CELF2: variants seen among roughly 807,000 people sequenced by gnomAD.
The protein encoded by CELF2 is CUGBP Elav-like family member 2, also known as CUG triplet repeat RNA-binding protein 2.
CELF2 carries 8 observed loss-of-function variants against 62.6 expected under a neutral mutation model. That is an observed-to-expected ratio of 0.13 (90% CI 0.07 to 0.23). The LOEUF (loss-of-function observed/expected upper bound fraction) is 0.23, where lower values mean the gene tolerates loss of function less well. Ranked by LOEUF, CELF2 falls within the 10% of genes least tolerant of loss-of-function variation. CELF2 has a pLI of 1.00. For synonymous variants in CELF2, 258 were observed against 250.0 expected (o/e 1.03, Z -0.30); for missense variants, 333 against 671.0 (o/e 0.50, Z 5.56).
chr10:10,755,528 T>A, the CELF2 span, among the ~76,000 whole-genome samples: 4 of 152,194 alleles, frequency 2.6e-5, no homozygotes, highest in African/African-American at 9.7e-5. Context: ...CGTCTGCTGC[T>A]TCCTCCTCAG....
rs57731906 is a variant in CELF2 at position 11,199,184 on chromosome 10, A to T, written c.272-18241A>T. The stretch of plus-strand genomic sequence containing the variant: ...CCCAAGACCATGATCTCTGGGACCA[A>T]CATCTTTAATTGGAGACTTGTTAGA... On this transcript the variant is annotated intron_variant, in intron 2 of 12. Transcript: ENST00000633077. Among the ~76,000 whole-genome samples, 433 of 152,352 alleles carry T rather than the reference A, an allele frequency of 2.8e-3. 5 individuals carry two copies. The East Asian group carries it at 0.059, about 21-fold the overall frequency.
chr10:10,793,316 A>C, the CELF2 span, among the ~76,000 whole-genome samples: 1 of 152,220 alleles, frequency 6.6e-6, no homozygotes, highest in Admixed American at 6.5e-5. Context: ...AGAAAGAAAA[A>C]AGCCATCTTT....
the CELF2 span, among the ~76,000 whole-genome samples, chr10:10,588,398 G>A: frequency 1.2e-4 from 19 of 152,166 alleles, no homozygotes; most frequent in African/African-American, 4.6e-4. Context: ...TTACTCCTCT[G>A]GGCCTCAGAT....
chr10:10,502,007 A>T, the CELF2 span, among the ~76,000 whole-genome samples: 1 of 152,112 alleles, frequency 6.6e-6, no homozygotes, highest in Admixed American at 6.5e-5. Flanking sequence ...TTCTGTATCA[A>T]CTGGTGTTAT....
the CELF2 span, among the ~76,000 whole-genome samples, chr10:10,773,191 C>T: frequency 1.3e-5 from 2 of 152,092 alleles, no homozygotes; most frequent in Admixed American, 1.3e-4. Flanking sequence ...AAAAATAACC[C>T]CCCACCTTTT....
the CELF2 span, among the ~76,000 whole-genome samples, chr10:10,701,724 G>C: frequency 4.5e-4 from 69 of 152,340 alleles, no homozygotes; most frequent in Non-Finnish European, 8.8e-4. Flanking sequence ...TAGGCGAGAT[G>C]GGTAACCAAG....
At chr10:10,981,931 T>G (rs2052168616) in intron 2 of CELF2, among the ~76,000 whole-genome samples, 1 of 149,198 alleles carries the variant, frequency 6.7e-6, no homozygotes, top group South Asian at 2.1e-4. Flanking sequence ...TGGTAGACCC[T>G]CTCCTCGACT....
chr10:10,946,502 T>C (rs555032170), intron 2 of CELF2: 2 of 152,776 alleles, frequency 1.3e-5, no homozygotes, highest in East Asian at 1.9e-4. Context: ...CTGTATATGA[T>C]AAAACTTACC....
At chr10:10,507,228 G>A in the CELF2 span, among the ~76,000 whole-genome samples, 2 of 151,934 alleles carry the variant, frequency 1.3e-5, no homozygotes, top group Non-Finnish European at 2.9e-5. Context: ...GTTACTTCCT[G>A]ATTCTATGGA....
At chr10:10,759,956 A>G in the CELF2 span, among the ~76,000 whole-genome samples, 1 of 152,098 alleles carries the variant, frequency 6.6e-6, no homozygotes, top group Non-Finnish European at 1.5e-5. Context: ...CACAGGCTGG[A>G]GTGCAGTGAT....
At chr10:10,881,102 G>A (rs138557508) in intron 1 of CELF2, among the ~76,000 whole-genome samples, 3 of 152,122 alleles carry the variant, frequency 2.0e-5, no homozygotes, top group Admixed American at 6.5e-5. Context: ...CTTCACTTAC[G>A]ACTGTTACTA....
the CELF2 span, among the ~76,000 whole-genome samples, chr10:10,557,510 G>A: frequency 1.6e-3 from 237 of 144,744 alleles, 10 homozygotes; most frequent in South Asian, 0.052. Context: ...TTGCCTTGGC[G>A]ATGCGAGCTC....
At chr10:11,056,998 C>T (rs892777551) in intron 1 of CELF2, among the ~76,000 whole-genome samples, 6 of 152,148 alleles carry the variant, frequency 3.9e-5, no homozygotes, top group African/African-American at 1.4e-4. Flanking sequence ...GTGAAGTGTC[C>T]AGTCACCTGC....
the CELF2 span, among the ~76,000 whole-genome samples, chr10:10,711,713 C>G: frequency 6.6e-6 from 1 of 152,110 alleles, no homozygotes; most frequent in Non-Finnish European, 1.5e-5. Flanking sequence ...GAAACTCCGT[C>G]TCTACTAAAA....
At chr10:10,470,993 T>A in the CELF2 span, among the ~76,000 whole-genome samples, 7 of 151,764 alleles carry the variant, frequency 4.6e-5, no homozygotes, top group Non-Finnish European at 1.0e-4. Flanking sequence ...TAGTGTCTAA[T>A]TTCTTATGAA....
intron 1 of CELF2, among the ~76,000 whole-genome samples, chr10:10,909,091 C>G (rs1231199129): frequency 1.3e-5 from 2 of 152,190 alleles, no homozygotes; most frequent in East Asian, 3.9e-4. Flanking sequence ...TGCCTGGCCG[C>G]TGGTGCATTT....
the CELF2 span, among the ~76,000 whole-genome samples, chr10:10,490,849 G>C: frequency 0.57 from 86,434 of 151,922 alleles, 24,708 homozygotes; most frequent in Admixed American, 0.65. Context: ...ATGGCTACTT[G>C]GGATTAAAGA....
intron 2 of CELF2, among the ~76,000 whole-genome samples, chr10:10,937,840 T>G (rs1564848882): frequency 6.6e-6 from 1 of 151,862 alleles, no homozygotes; most frequent in Non-Finnish European, 1.5e-5. Context: ...TATGAATGTA[T>G]ATATATATAT....
chr10:11,206,628 T>C (rs1305501180), intron 2 of CELF2, among the ~76,000 whole-genome samples: 3 of 152,080 alleles, frequency 2.0e-5, no homozygotes, highest in African/African-American at 7.2e-5. Context: ...GGCCAGGGAG[T>C]TGAGCCAATT....
Sources: allele counts gnomAD v4.1 joint callset (sites outside exome capture counted in the v4.1 genomes callset), GRCh38; gene constraint gnomAD v4.1.1; transcripts MANE v1.5; gene names NCBI Gene and HGNC (gene_info 2026-07-23, HGNC 2026-07-21).